Variants in YY1 observed in about 807,000 individuals in gnomAD.
YY1 encodes transcriptional repressor protein YY1.
A neutral mutation model predicts 35.6 loss-of-function variants in YY1; 2 were observed. The ratio of observed to expected loss-of-function variants is 0.06; its 90% CI spans 0.02 to 0.18. The LOEUF (loss-of-function observed/expected upper bound fraction) is 0.18, where lower values mean the gene tolerates loss of function less well. YY1 is among the 10% of genes least tolerant of loss of function. YY1 has a pLI of 1.00. For missense variants in YY1, 322 were observed against 573.4 expected (o/e 0.56, Z 4.48); for synonymous variants, 268 against 238.9 (o/e 1.12, Z -1.12).
At chr14:100,249,760 G>GTTTTTTTT (rs34925666) in intron 1 of YY1, among the ~76,000 whole-genome samples, 6 of 143,012 alleles carry the variant, frequency 4.2e-5, no homozygotes, top group African/African-American at 1.3e-4. Context: ...TTTTTTTTTT[G>GTTTTTTTT]TTTGTTTTTG....
intron 1 of YY1, among the ~76,000 whole-genome samples, chr14:100,259,304 A>T (rs987928338): frequency 6.6e-6 from 1 of 152,316 alleles, no homozygotes; most frequent in Non-Finnish European, 1.5e-5. Flanking sequence ...GTGGATCACG[A>T]GGTCAAGAGA....
At chr14:100,270,332 C>T (rs1891218594) in intron 2 of YY1, among the ~76,000 whole-genome samples, 1 of 148,258 alleles carries the variant, frequency 6.7e-6, no homozygotes, top group African/African-American at 2.5e-5. Context: ...TATGGGAGGC[C>T]GGGTGCCGTG....
intron 1 of YY1, among the ~76,000 whole-genome samples, chr14:100,250,745 A>G (rs938594152): frequency 1.0e-4 from 15 of 149,912 alleles, no homozygotes; most frequent in African/African-American, 3.7e-4. Context: ...GTGGCTGGGT[A>G]TGGTGCACTT....
At position 100,266,136 on chromosome 14, in the gene YY1, A is replaced by G. The variant is rs144390681; in HGVS notation, c.842+3670A>G. Among the ~76,000 whole-genome samples the G allele has an allele frequency of 5.2e-3, 790 of 152,226 alleles. 3 individuals carry two copies. Among genetic ancestry groups the G allele is most frequent in the Middle Eastern group, 0.01 (3 of 294 alleles). On this transcript the variant is annotated intron_variant, in intron 2 of 4. Coordinates refer to ENST00000262238, the MANE Select transcript of YY1 (RefSeq NM_003403.5). ...TGAGACTTACTATCATGAGAATAAC[A>G]TGGGAAAGATTGGTCCCCATGATTC...
Position 100,244,295 on chromosome 14 carries a change from G to A in YY1, c.679+4372G>A, listed in dbSNP as rs181316797. Among the ~76,000 whole-genome samples, 7 of 148,194 alleles carry A rather than the reference G, an allele frequency of 4.7e-5. No individual in the cohort carries two copies. The East Asian group carries it at 1.4e-3, about 29-fold the overall frequency. On this transcript the variant is annotated intron_variant, in intron 1 of 4. Transcript: ENST00000262238. The stretch of plus-strand genomic sequence containing the variant: ...TTTTAGGCCTTATAGGATCCTTAGA[G>A]ATTGGCTTTTTTTTTCCTTTTTTAC...
intron 2 of YY1, among the ~76,000 whole-genome samples, chr14:100,272,702 T>G (rs1337919498): frequency 1.3e-5 from 2 of 152,122 alleles, no homozygotes; most frequent in African/African-American, 4.8e-5. Context: ...AAGTGGTTTT[T>G]GGTTACATGG....
At chr14:100,266,689 T>C (rs939848342) in intron 2 of YY1, among the ~76,000 whole-genome samples, 5 of 152,124 alleles carry the variant, frequency 3.3e-5, no homozygotes, top group Non-Finnish European at 7.3e-5. Context: ...TTCAGTAAGA[T>C]AGGCCATCAA....
intron 1 of YY1, among the ~76,000 whole-genome samples, chr14:100,248,888 C>T (rs148023281): frequency 0.034 from 5,111 of 151,296 alleles, 132 homozygotes; most frequent in Non-Finnish European, 0.051. Context: ...CGGGTTTCAC[C>T]GTGTTAGCCA....
At chr14:100,271,286 T>C (rs1367325188) in intron 2 of YY1, among the ~76,000 whole-genome samples, 1 of 152,060 alleles carries the variant, frequency 6.6e-6, no homozygotes, top group East Asian at 1.9e-4. Flanking sequence ...TAAAAATAAA[T>C]AATGTTTGAG....
chr14:100,247,152 AT>A (rs1890845860), intron 1 of YY1, among the ~76,000 whole-genome samples: 2 of 152,186 alleles, frequency 1.3e-5, no homozygotes, highest in South Asian at 4.1e-4. Context: ...CTAGGTGGAT[AT>A]TTACAAAAGG....
At chr14:100,252,807 G>A (rs1595318406) in intron 1 of YY1, among the ~76,000 whole-genome samples, 1 of 152,160 alleles carries the variant, frequency 6.6e-6, no homozygotes. Context: ...GGAGGCCAAG[G>A]CAGGAGGATC....
chr14:100,247,884 G>A (rs1890856838), intron 1 of YY1, among the ~76,000 whole-genome samples: 1 of 152,158 alleles, frequency 6.6e-6, no homozygotes, highest in Non-Finnish European at 1.5e-5. Context: ...TATCCTTAAA[G>A]TCACTTTGAA....
chr14:100,240,527 G>A (rs1370099661), intron 1 of YY1, among the ~76,000 whole-genome samples: 1 of 60 alleles, frequency 0.017, no homozygotes, highest in Non-Finnish European at 0.029. Context: ...CTTGGCACTC[G>A]TGGGCGCCCT....
intron 2 of YY1, among the ~76,000 whole-genome samples, chr14:100,269,592 T>C (rs1891204349): frequency 6.6e-6 from 1 of 152,240 alleles, no homozygotes; most frequent in Non-Finnish European, 1.5e-5. Flanking sequence ...AATGAAACAC[T>C]GTTTTAACCT....
chr14:100,246,379 C>T (rs558046729), intron 1 of YY1, among the ~76,000 whole-genome samples: 2 of 152,330 alleles, frequency 1.3e-5, no homozygotes, highest in East Asian at 1.9e-4. Flanking sequence ...GTGGCACCTC[C>T]TTCACGCCTA....
intron 3 of YY1, among the ~76,000 whole-genome samples, chr14:100,275,165 A>G (rs1014332867): frequency 7.9e-5 from 12 of 152,220 alleles, no homozygotes; most frequent in African/African-American, 2.9e-4. Context: ...GTGTGTGATT[A>G]GAGAGGCACT....
chr14:100,264,218 C>T (rs1384032183), intron 2 of YY1: 1 of 151,788 alleles, frequency 6.6e-6, no homozygotes, highest in Non-Finnish European at 1.5e-5. Context: ...CACTCATCTC[C>T]CAGGCTGGAG....
At position 100,271,052 on chromosome 14, in the gene YY1, T is replaced by C. The variant is rs1176684561; in HGVS notation, c.843-3646T>C. 5.3e-5 allele frequency among the ~76,000 whole-genome samples: 8 copies of C among 151,880 alleles called. No homozygotes were observed. In the East Asian group the frequency reaches 1.5e-3, roughly 29 times the overall value. ...CGAGGTCAGGAGATCGAGACCATCC[T>C]GGCTAACACGGTAAGAAACCCCGTC... is the stretch of plus-strand genomic sequence containing the variant. On this transcript the variant is annotated intron_variant, in intron 2 of 4. Transcript: ENST00000262238.
intron 1 of YY1, among the ~76,000 whole-genome samples, chr14:100,249,782 G>GTTTTT (rs1329848977): frequency 7.9e-6 from 1 of 127,330 alleles, no homozygotes; most frequent in Non-Finnish European, 1.7e-5. Flanking sequence ...TTTTGTTTTT[G>GTTTTT]TTTTTTTTTG....
Sources: allele counts gnomAD v4.1 joint callset (sites outside exome capture counted in the v4.1 genomes callset), GRCh38; gene constraint gnomAD v4.1.1; transcripts MANE v1.5; gene names NCBI Gene and HGNC (gene_info 2026-07-23, HGNC 2026-07-21).